Variants in CPSF2 observed in about 807,000 individuals in gnomAD.
CPSF2 encodes cleavage and polyadenylation specific factor 2.
A neutral mutation model predicts 84.2 loss-of-function variants in CPSF2; 51 were observed. The ratio of observed to expected loss-of-function variants is 0.61; its 90% CI spans 0.48 to 0.77. The LOEUF is 0.77. CPSF2 is among the 30% of genes least tolerant of loss of function. The probability of loss-of-function intolerance (pLI) is 0.00; values close to 1 mark genes in which losing one functional copy is unlikely to be tolerated. For missense variants in CPSF2, 641 were observed against 929.4 expected (o/e 0.69, Z 4.03); for synonymous variants, 286 against 311.9 (o/e 0.92, Z 0.87).
chr14:92,156,917 TTTTA>T (rs1168023339), intron 12 of CPSF2, among the ~76,000 whole-genome samples: 1 of 152,206 alleles, frequency 6.6e-6, no homozygotes, highest in Non-Finnish European at 1.5e-5. Context: ...TTTTTGGCCT[TTTTA>T]TTCTGTAAGC....
intron 9 of CPSF2, among the ~76,000 whole-genome samples, chr14:92,144,205 C>T (rs1300938582): frequency 6.6e-6 from 1 of 152,190 alleles, no homozygotes; most frequent in Non-Finnish European, 1.5e-5. Flanking sequence ...TCACAGTCTT[C>T]CTGTCCACTT....
intron 1 of CPSF2, among the ~76,000 whole-genome samples, chr14:92,124,781 T>C (rs1317153184): frequency 1.3e-5 from 2 of 152,182 alleles, no homozygotes; most frequent in Non-Finnish European, 2.9e-5. Flanking sequence ...TTCAACATGA[T>C]TACATGTTGA....
At chr14:92,125,068 A>T (rs1288950094) in intron 1 of CPSF2, among the ~76,000 whole-genome samples, 1 of 152,142 alleles carries the variant, frequency 6.6e-6, no homozygotes, top group Non-Finnish European at 1.5e-5. Context: ...CTCAAGCAGT[A>T]AGAAGCCTTC....
At chr14:92,151,907 A>G (rs923205128) in intron 9 of CPSF2, among the ~76,000 whole-genome samples, 1 of 151,180 alleles carries the variant, frequency 6.6e-6, no homozygotes, top group African/African-American at 2.4e-5. Context: ...GGAGTGGTGG[A>G]TGGCTGAAGT....
Position 92,168,494 on chromosome 14 carries a change from C to G in CPSF2, c.*6750C>G, listed in dbSNP as rs1040537757. 6 of 152,154 alleles carry G rather than the reference C, an allele frequency of 3.9e-5. No homozygotes were observed. Among genetic ancestry groups the G allele is most frequent in the African/African-American group, 1.4e-4 (6 of 41,416 alleles). The allele number at this position is 152,154 out of a possible 1,614,324, so 9.4% of individuals were successfully genotyped here. ...TCCTCCCCACCACTATACGCACATG[C>G]ACACACAGCTCTATTTTTTGGTGCT... is the stretch of plus-strand genomic sequence containing the variant. On this transcript the variant is annotated 3_prime_UTR_variant, in exon 16 of 16. Coordinates refer to ENST00000298875, the MANE Select transcript of CPSF2 (RefSeq NM_017437.3).
intron 3 of CPSF2, among the ~76,000 whole-genome samples, chr14:92,131,482 T>C (rs1475718572): frequency 6.6e-6 from 1 of 152,186 alleles, no homozygotes; most frequent in Non-Finnish European, 1.5e-5. Flanking sequence ...TCTACATCTT[T>C]TGATGCTTAA....
At chr14:92,144,243 T>G (rs1374144171) in intron 9 of CPSF2, among the ~76,000 whole-genome samples, 1 of 152,226 alleles carries the variant, frequency 6.6e-6, no homozygotes, top group Non-Finnish European at 1.5e-5. Context: ...CTCATTGACT[T>G]TAGCATCCAT....
At position 92,131,053 on chromosome 14, in the gene CPSF2, C is replaced by A. The variant is rs1380043012; in HGVS notation, c.69C>A (p.Leu23=). The change falls in exon 3 of 16, where the codon CTC becomes CTA. Residue 23 remains leucine, a synonymous_variant. Coordinates refer to ENST00000298875, the MANE Select transcript of CPSF2 (RefSeq NM_017437.3). ...VQEESALCYL[L]QVDEFRFLLD... ...AAGAATCTGCCCTTTGCTATCTTCT[C>A]CAAGTTGATGAGTTTAGATTTTTAT... 6.2e-7 allele frequency: 1 copy of A among 1,612,718 alleles called. No homozygotes were observed. The highest frequency in any genetic ancestry group is 8.5e-7 in the Non-Finnish European group (1 of 1,179,214).
chr14:92,144,904 G>T (rs1404997005), intron 9 of CPSF2, among the ~76,000 whole-genome samples: 1 of 152,172 alleles, frequency 6.6e-6, no homozygotes, highest in Admixed American at 6.5e-5. Context: ...AAAGCAGTGA[G>T]TCAGGAATTC....
intron 6 of CPSF2, among the ~76,000 whole-genome samples, chr14:92,136,793 G>T (rs369583507): frequency 5.3e-5 from 8 of 152,106 alleles, no homozygotes; most frequent in African/African-American, 1.9e-4. Context: ...TGAGTAAATG[G>T]TATTGAAGGA....
intron 9 of CPSF2, among the ~76,000 whole-genome samples, chr14:92,152,991 C>CT (rs139202280): frequency 0.1 from 14,844 of 148,556 alleles, 842 homozygotes; most frequent in East Asian, 0.16. Context: ...TACGAATGTA[C>CT]TTTTTTTTTA....
intron 7 of CPSF2, among the ~76,000 whole-genome samples, chr14:92,138,694 T>A (rs142092798): frequency 2.8e-4 from 43 of 152,240 alleles, no homozygotes; most frequent in Middle Eastern, 6.8e-3. Flanking sequence ...CCTCCCAAAG[T>A]GCTGGGATTA....
chr14:92,122,387 C>T (rs900390896), intron 1 of CPSF2: 2 of 160,084 alleles, frequency 1.2e-5, no homozygotes, highest in Middle Eastern at 6.5e-3. Context: ...TCCCTCCTTT[C>T]TGCTTCCCTC....
In CPSF2 at chr14:92,154,393, T is replaced by G; in HGVS notation, c.1176T>G (p.Leu392=). 1 of 1,609,740 alleles carries G rather than the reference T, an allele frequency of 6.2e-7. No individual in the cohort carries two copies. The highest frequency in any genetic ancestry group is 8.5e-7 in the Non-Finnish European group (1 of 1,178,928). The part of the protein sequence containing the change: ...RKRVKLEGKE[L]EEYLEKEKLK... Reference sequence around the variant, plus strand: ...GTGTGAAGCTTGAAGGGAAAGAACTTGAAGAATACTTGGAAAAAGAGAAAC... The same window carrying G: ...GTGTGAAGCTTGAAGGGAAAGAACTGGAAGAATACTTGGAAAAAGAGAAAC... The change falls in exon 10 of 16, where the codon CTT becomes CTG. Residue 392 remains leucine (L), a synonymous_variant. Coordinates refer to ENST00000298875, the MANE Select transcript of CPSF2 (RefSeq NM_017437.3).
At chr14:92,136,252 A>G (rs563442515) in intron 6 of CPSF2, among the ~76,000 whole-genome samples, 14 of 152,304 alleles carry the variant, frequency 9.2e-5, no homozygotes, top group Admixed American at 2.6e-4. Context: ...GGATCTTTAT[A>G]TTAAGAAATA....
At chr14:92,147,312 G>A (rs2069156361) in intron 9 of CPSF2, among the ~76,000 whole-genome samples, 1 of 152,164 alleles carries the variant, frequency 6.6e-6, no homozygotes, top group South Asian at 2.1e-4. Context: ...GCCCTTCTAA[G>A]TCAAGTCTTA....
chr14:92,156,717 A>G, intron 12 of CPSF2, 86 bp downstream of exon 12: 2 of 935,924 alleles, frequency 2.1e-6, no homozygotes. Flanking sequence ...ATGTCAAGCA[A>G]AATTTCTGAA....
chr14:92,134,390 A>C, intron 5 of CPSF2, 35 bp downstream of exon 5: 2 of 1,366,792 alleles, frequency 1.5e-6, no homozygotes, highest in Non-Finnish European at 2.1e-6. Context: ...TATTTAGATG[A>C]ATGGGGTTTA....
In CPSF2 at chr14:92,143,160, G is replaced by A. The variant is rs142338637; in HGVS notation, c.1006G>A (p.Gly336Arg). 6.8e-6 allele frequency: 11 copies of A among 1,613,858 alleles called. No individual in the cohort carries two copies. Among genetic ancestry groups the A allele is most frequent in the Middle Eastern group, 1.6e-4 (1 of 6,084 alleles). The change falls in exon 9 of 16, where the codon GGA becomes AGA. Residue 336 changes from glycine (G) to arginine (R), a missense_variant. Gly to Arg is a moderately radical substitution (Grantham distance 125). Coordinates refer to ENST00000298875, the MANE Select transcript of CPSF2 (RefSeq NM_017437.3). ...VLASQPDLEC[G>R]FSRDLFIQWC... ...TGCCAGCCAACCTGACCTGGAATGC[G>A]GATTTTCAAGGGATCTCTTTATTCA...
Sources: allele counts gnomAD v4.1 joint callset (sites outside exome capture counted in the v4.1 genomes callset), GRCh38; gene constraint gnomAD v4.1.1; transcripts MANE v1.5; gene names NCBI Gene and HGNC (gene_info 2026-07-23, HGNC 2026-07-21).